PTPRA: variants seen among roughly 807,000 people sequenced by gnomAD.
PTPRA encodes the protein protein tyrosine phosphatase receptor type A, also known as receptor-type tyrosine-protein phosphatase alpha.
In PTPRA, 25 loss-of-function variants were observed where a neutral mutation model predicts 104.8. That is an observed-to-expected ratio of 0.24 (90% confidence interval 0.17 to 0.33). PTPRA has a LOEUF of 0.33. Among genes scored for constraint, PTPRA ranks in the 10% least tolerant of loss-of-function variants. The pLI, the probability that PTPRA is intolerant of heterozygous loss-of-function variation, is 1.00. For missense variants in PTPRA, 765 were observed against 1,015.3 expected, an observed-to-expected ratio of 0.75 and a Z score of 3.35; for synonymous variants, 323 against 368.9, an observed-to-expected ratio of 0.88 and a Z score of 1.43.
At chr20:2,864,985 A>G in the PTPRA span, 2 of 1,614,090 alleles carry the variant, frequency 1.2e-6, no homozygotes, top group Non-Finnish European at 1.7e-6. This position sits in a 1 kb window ranked among gnomAD's most constrained non-coding sequence, Gnocchi z 5.2. Flanking sequence ...TAGCGTATTG[A>G]GGGGCGAGTA....
At chr20:2,872,665 T>A (rs2089458602), upstream of PTPRA, among the ~76,000 whole-genome samples, 1 of 152,228 alleles carries the variant, frequency 6.6e-6, no homozygotes, top group Non-Finnish European at 1.5e-5. This position sits in a 1 kb window ranked among gnomAD's most constrained non-coding sequence, Gnocchi z 7.9. Flanking sequence ...AGGAACCTGC[T>A]GCCGCTGGAT....
rs141603084 is a variant in PTPRA, at chr20:3,013,702, C to T, written c.907-2147C>T. Among the ~76,000 whole-genome samples the T allele has an allele frequency of 1.4e-4, 22 of 152,206 alleles. No homozygotes were observed. In the East Asian group the frequency reaches 2.5e-3, roughly 17 times the overall value. Reference sequence around the variant, plus strand: ...TTGGGATTAGAGGCATGAGCCACCGCGCCCAGCCTAGAATATATAGGATCT... The same window carrying T: ...TTGGGATTAGAGGCATGAGCCACCGTGCCCAGCCTAGAATATATAGGATCT... On this transcript the variant is annotated intron_variant, in intron 11 of 23. Coordinates refer to ENST00000399903, the MANE Select transcript of PTPRA (RefSeq NM_001385305.1).
Position 3,038,100 on chromosome 20 carries a change from T to G in PTPRA, c.2376T>G (p.Ile792Met). 3 of 1,613,568 alleles carry G rather than the reference T, an allele frequency of 1.9e-6. No homozygotes were observed. Among genetic ancestry groups the G allele is most frequent in the Non-Finnish European group, 1.7e-6 (2 of 1,179,440 alleles). The change falls in exon 24 of 24, where the codon ATT (isoleucine) becomes ATG (methionine). Residue 792 changes from isoleucine to methionine, a missense_variant. This residue lies in a region of PTPRA where 72 missense variants were observed against 140.7 expected (regional missense o/e 0.51). Coordinates refer to ENST00000399903, the MANE Select transcript of PTPRA (RefSeq NM_001385305.1). ...EFCYKVVQEY[I>M]DAFSDYANFK The stretch of plus-strand genomic sequence containing the variant: ...GCTACAAGGTGGTGCAGGAGTATAT[T>G]GATGCATTCTCAGATTATGCCAACT...
chr20:2,976,627 G>A (rs2062442440), intron 6 of PTPRA, among the ~76,000 whole-genome samples: 1 of 152,142 alleles, frequency 6.6e-6, no homozygotes, highest in Non-Finnish European at 1.5e-5. Context: ...AACTGAAAAG[G>A]CATAGGTATT....
At chr20:2,898,596 G>A (rs933747125) in intron 1 of PTPRA, among the ~76,000 whole-genome samples, 1 of 151,400 alleles carries the variant, frequency 6.6e-6, no homozygotes, top group African/African-American at 2.4e-5. Context: ...GGTGGCTCAC[G>A]CCTATAATCC....
chr20:3,029,870 C>T (rs992235183), intron 20 of PTPRA, among the ~76,000 whole-genome samples: 6 of 152,038 alleles, frequency 3.9e-5, no homozygotes, highest in Admixed American at 2.0e-4. Context: ...GTGGGAGGTT[C>T]GGTTAAGGTG....
chr20:2,955,404 A>G (rs1305781882), intron 3 of PTPRA, among the ~76,000 whole-genome samples: 3 of 152,226 alleles, frequency 2.0e-5, no homozygotes. Flanking sequence ...TGGAACTTAG[A>G]AGCAGTAGAA....
intron 9 of PTPRA, among the ~76,000 whole-genome samples, chr20:3,002,217 AGTCT>A (rs1409094824): frequency 2.6e-5 from 4 of 151,658 alleles, no homozygotes; most frequent in Non-Finnish European, 4.4e-5. Flanking sequence ...TCCTTTATTC[AGTCT>A]TTTTTTAAAT....
intron 1 of PTPRA, among the ~76,000 whole-genome samples, chr20:2,909,895 A>G (rs1023361519): frequency 7.6e-5 from 10 of 131,504 alleles, no homozygotes; most frequent in African/African-American, 2.6e-4. Flanking sequence ...ATTATAATAT[A>G]TAATATATGA....
chr20:2,972,612 AGATT>A (rs1314673180), intron 5 of PTPRA, among the ~76,000 whole-genome samples: 2 of 152,136 alleles, frequency 1.3e-5, no homozygotes, highest in African/African-American at 4.8e-5. Flanking sequence ...TCTCTAAATG[AGATT>A]GATCTATGTT....
the PTPRA span, chr20:2,865,421 G>A: frequency 4.2e-5 from 68 of 1,614,188 alleles, no homozygotes; most frequent in Middle Eastern, 6.6e-4. This position sits in a 1 kb window ranked among gnomAD's most constrained non-coding sequence, Gnocchi z 5.2. Flanking sequence ...GAAGCTGACT[G>A]CCCTGGCAGA....
chr20:2,946,542 T>C (rs2061137553), intron 2 of PTPRA, among the ~76,000 whole-genome samples: 1 of 152,156 alleles, frequency 6.6e-6, no homozygotes, highest in African/African-American at 2.4e-5. Context: ...TATTCCATCT[T>C]ATTTCTCTGT....
intron 2 of PTPRA, among the ~76,000 whole-genome samples, chr20:2,946,151 C>T (rs971650083): frequency 3.3e-5 from 5 of 151,808 alleles, no homozygotes; most frequent in East Asian, 1.9e-4. Context: ...GAACAGAAAC[C>T]GCCAGGCAGA....
chr20:3,004,889 G>T (rs118056492), intron 9 of PTPRA, among the ~76,000 whole-genome samples, 167 bp from the exon 10 acceptor site: 1 of 152,194 alleles, frequency 6.6e-6, no homozygotes, highest in Non-Finnish European at 1.5e-5. Context: ...GGCTGTTTCG[G>T]GGGAGAGGAG....
chr20:2,956,685 T>C (rs56198099), intron 3 of PTPRA, among the ~76,000 whole-genome samples: 8 of 151,574 alleles, frequency 5.3e-5, no homozygotes, highest in Non-Finnish European at 1.2e-4. Flanking sequence ...AATAAATAAA[T>C]AAATAAATAA....
chr20:2,942,797 A>T (rs182979642), intron 2 of PTPRA, among the ~76,000 whole-genome samples: 1 of 151,602 alleles, frequency 6.6e-6, no homozygotes, highest in Non-Finnish European at 1.5e-5. Context: ...AATATGACAT[A>T]TAATATAATT....
chr20:2,918,784 G>A (rs1013253858), intron 1 of PTPRA, among the ~76,000 whole-genome samples: 1 of 152,062 alleles, frequency 6.6e-6, no homozygotes, highest in African/African-American at 2.4e-5. Flanking sequence ...TGAATTATAG[G>A]CTTTGTTTAG....
intron 2 of PTPRA, 36 bp from the exon 3 acceptor site, chr20:2,947,946 C>T (rs960711062): frequency 6.4e-6 from 6 of 943,436 alleles, no homozygotes; most frequent in Admixed American, 2.6e-5. Context: ...AACCTAGATA[C>T]TCCTAATTAA....
rs182448287 is a variant in PTPRA, at chr20:3,020,025, T to C, written c.1042-1284T>C. ...TTGCAGTGAGCCGAGATGGCAGCAG[T>C]ACCGTCCAGCTTCGGCTCGGCATCG... On this transcript the variant is annotated intron_variant, in intron 13 of 23. Transcript: ENST00000399903. Among the ~76,000 whole-genome samples the C allele has an allele frequency of 2.0e-5, 3 of 151,278 alleles. No individual in the cohort carries two copies. In the East Asian group the frequency reaches 6.0e-4, roughly 30 times the overall value.
Sources: gnomAD v4.1 joint callset for allele counts (sites outside exome capture counted in the v4.1 genomes callset) on GRCh38, gnomAD v4.1.1 for gene constraint, gnomAD v4.1.1 regional missense constraint, Gnocchi (gnomAD v3.1) non-coding constraint, MANE v1.5 for transcripts, NCBI Gene and HGNC (gene_info 2026-07-23, HGNC 2026-07-21) for gene names.